Variants in RGSL1 observed in about 807,000 individuals in gnomAD.
RGSL1 encodes regulator of G protein signaling protein-like.
RGSL1 carries 97 observed loss-of-function variants against 124.7 expected under a neutral mutation model. The observed-to-expected ratio is 0.78, with a 90% confidence interval of 0.66 to 0.92. The LOEUF (loss-of-function observed/expected upper bound fraction) is 0.92, where lower values mean the gene tolerates loss of function less well. Among genes scored for constraint, RGSL1 ranks in the 40% least tolerant of loss-of-function variants. The pLI is 0.00. For synonymous variants in RGSL1, 424 were observed against 438.1 expected, an observed-to-expected ratio of 0.97 and a Z score of 0.40; for missense variants, 1,233 against 1,288.4, an observed-to-expected ratio of 0.96 and a Z score of 0.66.
chr1:182,558,308 A>T (rs1660979577), intron 21 of RGSL1, among the ~76,000 whole-genome samples: 1 of 152,100 alleles, frequency 6.6e-6, no homozygotes, highest in Admixed American at 6.5e-5. Flanking sequence ...ACTGCCGTCT[A>T]AGGAAAAGGC....
At chr1:182,454,783 C>T (rs1281617382) in intron 2 of RGSL1, among the ~76,000 whole-genome samples, 2 of 152,134 alleles carry the variant, frequency 1.3e-5, no homozygotes, top group African/African-American at 2.4e-5. Flanking sequence ...TAAAACAAAC[C>T]TCAAACATCA....
At chr1:182,554,729 G>C in intron 20 of RGSL1, 36 bp downstream of exon 20, 1 of 1,542,240 alleles carries the variant, frequency 6.5e-7, no homozygotes, top group Non-Finnish European at 8.8e-7. Flanking sequence ...CTTCAGTCCA[G>C]AGCTGCTATG....
chr1:182,493,215 A>G, intron 9 of RGSL1, 86 bp downstream of exon 9: 1 of 932,360 alleles, frequency 1.1e-6, no homozygotes, highest in Non-Finnish European at 1.7e-6. Context: ...TCTTTAAGGA[A>G]CATAAGCCAA....
chr1:182,466,939 A>G lies in RGSL1; in HGVS notation c.302-5457A>G, dbSNP rs911959973. 6.6e-5 allele frequency among the ~76,000 whole-genome samples: 10 copies of G among 152,260 alleles called. 1 individual carries two copies. Among genetic ancestry groups the G allele is most frequent in the East Asian group, 1.9e-4 (1 of 5,190 alleles). On this transcript the variant is annotated intron_variant, in intron 4 of 21. Transcript: ENST00000294854. ...TTACTACAAGTTTACAGCAATCAAC[A>G]CAGTGTGGTGCAAGCATTCTTATAC...
At chr1:182,530,510 T>G (rs141827589) in intron 12 of RGSL1, 149 bp downstream of exon 12, 2 of 645,620 alleles carry the variant, frequency 3.1e-6, no homozygotes, top group Non-Finnish European at 5.2e-6. Flanking sequence ...TCTTGAACTT[T>G]CCTACCTATC....
At chr1:182,501,302 C>CT (rs1656351321) in intron 9 of RGSL1, among the ~76,000 whole-genome samples, 1 of 54,248 alleles carries the variant, frequency 1.8e-5, no homozygotes, top group Non-Finnish European at 3.7e-5. Context: ...TTTCTTTTTT[C>CT]TTTTCTTTTT....
chr1:182,495,509 C>T (rs959459292), intron 9 of RGSL1, among the ~76,000 whole-genome samples: 11 of 152,178 alleles, frequency 7.2e-5, no homozygotes, highest in African/African-American at 2.7e-4. Flanking sequence ...CCTGGCTTAC[C>T]AGCCAAACCA....
chr1:182,496,865 C>A (rs28871670), intron 9 of RGSL1, among the ~76,000 whole-genome samples: 8,958 of 138,858 alleles, frequency 0.065, 374 homozygotes, highest in South Asian at 0.21. Flanking sequence ...CAAATATGCA[C>A]CAGATCACAC....
At chr1:182,536,995 A>G (rs1659590850) in intron 14 of RGSL1, among the ~76,000 whole-genome samples, 1 of 152,130 alleles carries the variant, frequency 6.6e-6, no homozygotes, top group Non-Finnish European at 1.5e-5. Flanking sequence ...TTTTTAAAAA[A>G]CTTTGTTGTC....
At chr1:182,455,850 C>G (rs155552) in intron 2 of RGSL1, among the ~76,000 whole-genome samples, 1 of 152,046 alleles carries the variant, frequency 6.6e-6, no homozygotes, top group Non-Finnish European at 1.5e-5. Context: ...GACATTACCC[C>G]AAGGTGTTAG....
At chr1:182,526,512 A>C (rs1156688908) in intron 10 of RGSL1, among the ~76,000 whole-genome samples, 1 of 151,820 alleles carries the variant, frequency 6.6e-6, no homozygotes, top group Non-Finnish European at 1.5e-5. Context: ...TAAAAAAAAA[A>C]ACACAAACAT....
intron 6 of RGSL1, among the ~76,000 whole-genome samples, chr1:182,481,321 T>C (rs1488147685): frequency 6.6e-6 from 1 of 152,106 alleles, no homozygotes; most frequent in East Asian, 1.9e-4. Flanking sequence ...TTAATAATTA[T>C]ACACCAACAA....
chr1:182,467,794 G>A (rs1285895304), intron 4 of RGSL1, among the ~76,000 whole-genome samples: 1 of 152,180 alleles, frequency 6.6e-6, no homozygotes, highest in Non-Finnish European at 1.5e-5. Context: ...AAGAGCTTCT[G>A]CACAGCAAAA....
intron 9 of RGSL1, among the ~76,000 whole-genome samples, chr1:182,502,405 G>T (rs1656462882): frequency 6.6e-6 from 1 of 152,056 alleles, no homozygotes; most frequent in South Asian, 2.1e-4. Flanking sequence ...ATGAGACCCT[G>T]TCTCTACAAA....
At chr1:182,535,883 T>C (rs1571681629) in intron 14 of RGSL1, among the ~76,000 whole-genome samples, 1 of 152,188 alleles carries the variant, frequency 6.6e-6, no homozygotes, top group African/African-American at 2.4e-5. Context: ...TGATATAGAA[T>C]ACTTGCTTCA....
chr1:182,473,309 C>T (rs531349253), intron 5 of RGSL1, among the ~76,000 whole-genome samples: 1 of 152,264 alleles, frequency 6.6e-6, no homozygotes, highest in South Asian at 2.1e-4. Flanking sequence ...TTTAAAATAA[C>T]ATTTAATAAT....
At chr1:182,511,616 T>C (rs1657468889) in intron 9 of RGSL1, among the ~76,000 whole-genome samples, 1 of 152,232 alleles carries the variant, frequency 6.6e-6, no homozygotes, top group Non-Finnish European at 1.5e-5. Context: ...GGTCTATGTA[T>C]CTGTTTCCAT....
rs75720709 is a variant in RGSL1 at position 182,515,037 on chromosome 1, G to A, written c.1826-6967G>A. Among the ~76,000 whole-genome samples the A allele has an allele frequency of 1.4e-3, 220 of 152,292 alleles. 4 individuals are homozygous for A. In the East Asian group the frequency reaches 0.039, roughly 27 times the overall value. ...GTGAAAACTCAGGGTGTGAGGGAGA[G>A]AGAAAACAGGCAGTCTTCCTTTCTC... On this transcript the variant is annotated intron_variant, in intron 9 of 21. Transcript: ENST00000294854.
At chr1:182,558,962 T>G (rs138142391) in intron 21 of RGSL1, among the ~76,000 whole-genome samples, 356 of 152,330 alleles carry the variant, frequency 2.3e-3, no homozygotes, top group Non-Finnish European at 3.9e-3. Flanking sequence ...ACCATGGTCC[T>G]AGACCACCTT....
Sources: gnomAD v4.1 joint callset for allele counts (sites outside exome capture counted in the v4.1 genomes callset) on GRCh38, gnomAD v4.1.1 for gene constraint, MANE v1.5 for transcripts, NCBI Gene and HGNC (gene_info 2026-07-23, HGNC 2026-07-21) for gene names.